The following MEIS2 variants were observed in gnomAD, a reference collection of about 807,000 sequenced individuals.
MEIS2 encodes the protein homeobox protein Meis2.
MEIS2 carries 9 observed loss-of-function variants against 58.6 expected under a neutral mutation model. The ratio of observed to expected loss-of-function variants is 0.15; its 90% CI spans 0.09 to 0.27. The LOEUF is 0.27. Among genes scored for constraint, MEIS2 ranks in the 10% least tolerant of loss-of-function variants. The probability of loss-of-function intolerance (pLI) is 1.00; values close to 1 mark genes in which losing one functional copy is unlikely to be tolerated. For missense variants in MEIS2, 427 were observed against 635.0 expected (o/e 0.67, Z 3.52); for synonymous variants, 221 against 228.4 (o/e 0.97, Z 0.29).
chr15:36,892,141 G>A lies in MEIS2; in HGVS notation c.*32C>T, dbSNP rs77635771. 85,801 of 1,606,190 alleles carry A rather than the reference G, an allele frequency of 0.053. 2,767 individuals carry two copies. Among genetic ancestry groups the A allele is most frequent in the Non-Finnish European group, 0.061 (71,897 of 1,174,362 alleles). ...CAGAAAGTCTTAAAATAGTTTTTGCGTGTGTTTCCTTTTCCCTTGAGTTCC... is the reference window on the plus strand; with the variant it reads ...CAGAAAGTCTTAAAATAGTTTTTGCATGTGTTTCCTTTTCCCTTGAGTTCC... On this transcript the variant is annotated 3_prime_UTR_variant, in exon 12 of 12. Coordinates refer to ENST00000561208, the MANE Select transcript of MEIS2 (RefSeq NM_170675.5).
At chr15:36,996,696 C>A (rs996930384) in intron 8 of MEIS2, among the ~76,000 whole-genome samples, 1 of 152,114 alleles carries the variant, frequency 6.6e-6, no homozygotes, top group Admixed American at 6.6e-5. Flanking sequence ...GCAGATGGAA[C>A]GGAAATGGAA....
intron 8 of MEIS2, among the ~76,000 whole-genome samples, chr15:36,996,076 TA>T (rs1427773138): frequency 2.7e-5 from 4 of 147,324 alleles, no homozygotes; most frequent in Non-Finnish European, 5.9e-5. Flanking sequence ...TATATATATA[TA>T]TATTTTTAAA....
chr15:36,954,927 G>A (rs2141406358), intron 8 of MEIS2, among the ~76,000 whole-genome samples: 1 of 152,232 alleles, frequency 6.6e-6, no homozygotes, highest in South Asian at 2.1e-4. Context: ...CCTTCATTTT[G>A]ATGATGCCAC....
chr15:37,071,283 A>T (rs1166217799), intron 7 of MEIS2, among the ~76,000 whole-genome samples: 1 of 152,164 alleles, frequency 6.6e-6, no homozygotes, highest in African/African-American at 2.4e-5. Context: ...TCATGTAACC[A>T]ATTACTGTAG....
chr15:36,904,838 C>A (rs550461972), intron 9 of MEIS2, among the ~76,000 whole-genome samples: 3 of 152,174 alleles, frequency 2.0e-5, no homozygotes, highest in African/African-American at 7.2e-5. Context: ...GAGAAAAAAA[C>A]CAACAACAAA....
intron 7 of MEIS2, among the ~76,000 whole-genome samples, chr15:37,057,750 C>T (rs1888632228): frequency 6.6e-6 from 1 of 151,824 alleles, no homozygotes; most frequent in African/African-American, 2.4e-5. Context: ...ACCCTATTTT[C>T]AGCAATGTTA....
At chr15:36,950,252 A>AG (rs2058709733) in intron 9 of MEIS2, 72 bp downstream of exon 9, 8 of 1,314,402 alleles carry the variant, frequency 6.1e-6, no homozygotes, top group South Asian at 2.6e-5. Context: ...AAAAAAAAAA[A>AG]AGAGAGAAAA....
At chr15:36,933,862 G>A (rs945682187) in intron 9 of MEIS2, among the ~76,000 whole-genome samples, 3 of 152,128 alleles carry the variant, frequency 2.0e-5, no homozygotes, top group African/African-American at 4.8e-5. Flanking sequence ...TTGGTAAAGT[G>A]CTCTTCTAAT....
intron 6 of MEIS2, among the ~76,000 whole-genome samples, chr15:37,089,122 A>G (rs1025310186): frequency 2.0e-5 from 3 of 152,186 alleles, no homozygotes; most frequent in Admixed American, 6.6e-5. Context: ...GCACCCAGCC[A>G]TGCTTCCTTG....
intron 9 of MEIS2, among the ~76,000 whole-genome samples, chr15:36,938,213 G>A (rs1567077846): frequency 6.6e-6 from 1 of 152,056 alleles, no homozygotes. Flanking sequence ...TTTTCTGGAT[G>A]AGCTCATCTG....
In MEIS2 at chr15:36,889,356, C is replaced by T. The variant is rs1383713811; in HGVS notation, c.*2817G>A. ...AACTCTTTACACTAAATAGTAAACC[C>T]GAGATAGGAGCAAGTGCCTTCCGGG... is the stretch of plus-strand genomic sequence containing the variant. On this transcript the variant is annotated 3_prime_UTR_variant, in exon 12 of 12. Coordinates refer to ENST00000561208, the MANE Select transcript of MEIS2 (RefSeq NM_170675.5). 2 of 151,628 alleles carry T rather than the reference C, an allele frequency of 1.3e-5. No individual in the cohort carries two copies. Among genetic ancestry groups the T allele is most frequent in the African/African-American group, 2.4e-5 (1 of 41,190 alleles). The allele number at this position is 151,628 out of a possible 1,614,324, so 9.4% of individuals were successfully genotyped here. A position where few individuals can be genotyped will look rare whatever the true frequency, so the allele number is the denominator to read the frequency against.
chr15:36,963,160 A>G (rs1368592829), intron 8 of MEIS2, among the ~76,000 whole-genome samples: 1 of 152,148 alleles, frequency 6.6e-6, no homozygotes, highest in Non-Finnish European at 1.5e-5. Context: ...AGATCACCTG[A>G]GGCCAGGAGT....
At chr15:37,001,588 T>C (rs2060729678) in intron 8 of MEIS2, among the ~76,000 whole-genome samples, 1 of 152,204 alleles carries the variant, frequency 6.6e-6, no homozygotes, top group South Asian at 2.1e-4. Context: ...CTCCAGACTA[T>C]TTCTCATACT....
chr15:37,047,734 A>G (rs2062733280), intron 7 of MEIS2, among the ~76,000 whole-genome samples: 1 of 152,222 alleles, frequency 6.6e-6, no homozygotes. Context: ...AGAAGAAAAA[A>G]GGTGGTCGGA....
At chr15:37,096,584 G>T in intron 2 of MEIS2, 154 bp from the exon 3 acceptor site, 2 of 890,168 alleles carry the variant, frequency 2.2e-6, no homozygotes, top group Non-Finnish European at 3.2e-6. Context: ...CATCAGGCGA[G>T]CCTAAGCCAG....
chr15:36,951,327 C>G (rs1179657073), intron 8 of MEIS2, among the ~76,000 whole-genome samples: 1 of 152,036 alleles, frequency 6.6e-6, no homozygotes, highest in Non-Finnish European at 1.5e-5. Flanking sequence ...GCTCTAAATT[C>G]ACTGATTTTC....
intron 8 of MEIS2, among the ~76,000 whole-genome samples, chr15:36,971,558 A>AAAAAAAAAAAAAAAT (rs2059572060): frequency 6.8e-6 from 1 of 148,050 alleles, no homozygotes; most frequent in Admixed American, 6.7e-5. Flanking sequence ...AAAAAAAAAA[A>AAAAAAAAAAAAAAAT]AAAAAAGGGC....
chr15:37,079,294 A>T (rs1891878540), intron 7 of MEIS2, among the ~76,000 whole-genome samples: 1 of 152,206 alleles, frequency 6.6e-6, no homozygotes, highest in African/African-American at 2.4e-5. Context: ...GTAAGTGACC[A>T]GTTTTGGATG....
At chr15:36,967,112 T>C (rs1460351036) in intron 8 of MEIS2, among the ~76,000 whole-genome samples, 1 of 152,186 alleles carries the variant, frequency 6.6e-6, no homozygotes, top group African/African-American at 2.4e-5. Flanking sequence ...TAAATCAGAA[T>C]CATTCCTTGT....
Sources: gnomAD v4.1 joint callset for allele counts (sites outside exome capture counted in the v4.1 genomes callset) on GRCh38, gnomAD v4.1.1 for gene constraint, MANE v1.5 for transcripts, NCBI Gene and HGNC (gene_info 2026-07-23, HGNC 2026-07-21) for gene names.